Variants in SEMA6D observed in about 807,000 individuals in gnomAD.
SEMA6D encodes the protein semaphorin 6D, also known as semaphorin-6D.
Under a neutral mutation model 106.6 loss-of-function variants are expected in SEMA6D, and 35 were observed. The observed-to-expected ratio is 0.33, with a 90% CI of 0.25 to 0.44. The LOEUF (loss-of-function observed/expected upper bound fraction) is 0.44. SEMA6D is among the 20% of genes least tolerant of loss of function. The pLI, the probability that SEMA6D is intolerant of heterozygous loss-of-function variation, is 1.00. For synonymous variants in SEMA6D, 499 were observed against 487.7 expected, an observed-to-expected ratio of 1.02 and a Z score of -0.31; for missense variants, 1,185 against 1,345.9, an observed-to-expected ratio of 0.88 and a Z score of 1.87.
At chr15:47,243,263 A>T (rs1359466876) in intron 1 of SEMA6D, among the ~76,000 whole-genome samples, 1 of 152,058 alleles carries the variant, frequency 6.6e-6, no homozygotes, top group Non-Finnish European at 1.5e-5. Context: ...CCCAGACTTC[A>T]CTCTCAAAAT....
chr15:47,697,256 C>T (rs1048323835), intron 4 of SEMA6D, among the ~76,000 whole-genome samples: 1 of 152,098 alleles, frequency 6.6e-6, no homozygotes, highest in African/African-American at 2.4e-5. Flanking sequence ...TCTTCACTGC[C>T]AGAACAGAGA....
intron 3 of SEMA6D, among the ~76,000 whole-genome samples, chr15:47,532,627 T>A (rs1596257804): frequency 6.6e-6 from 1 of 152,300 alleles, no homozygotes; most frequent in East Asian, 1.9e-4. Context: ...GAGTATTCAG[T>A]TGGTTGCTGG....
chr15:47,761,882 T>A, intron 7 of SEMA6D, 131 bp downstream of exon 7: 1 of 794,722 alleles, frequency 1.3e-6, no homozygotes, highest in South Asian at 1.9e-5. Context: ...CTAGAATCTA[T>A]GCACAAATTT....
chr15:47,681,126 T>C (rs2078344534), intron 4 of SEMA6D, among the ~76,000 whole-genome samples: 1 of 152,170 alleles, frequency 6.6e-6, no homozygotes, highest in Non-Finnish European at 1.5e-5. Flanking sequence ...AAAGAGATAT[T>C]TGCACTCCAA....
At chr15:47,578,528 A>G (rs1418099804) in intron 3 of SEMA6D, among the ~76,000 whole-genome samples, 1 of 152,246 alleles carries the variant, frequency 6.6e-6, no homozygotes, top group Admixed American at 6.5e-5. Context: ...TGATCTATGT[A>G]TAATAGAAAA....
At chr15:47,294,448 T>C (rs1178521252) in intron 1 of SEMA6D, among the ~76,000 whole-genome samples, 1 of 152,160 alleles carries the variant, frequency 6.6e-6, no homozygotes, top group Non-Finnish European at 1.5e-5. Flanking sequence ...GATCTCAAAT[T>C]CCTGACCTTG....
At chr15:47,697,646 A>C (rs1698127285) in intron 4 of SEMA6D, among the ~76,000 whole-genome samples, 1 of 152,178 alleles carries the variant, frequency 6.6e-6, no homozygotes, top group Non-Finnish European at 1.5e-5. Flanking sequence ...TGATATTTTT[A>C]ATTGTCCTTT....
rs139534176 is a variant in SEMA6D at position 47,534,206 on chromosome 15, A to T, written c.-87+63661A>T. 2.8e-3 allele frequency among the ~76,000 whole-genome samples: 420 copies of T among 152,028 alleles called. 8 individuals are homozygous for T. Among genetic ancestry groups the T allele is most frequent in the Admixed American group, 0.025 (376 of 15,274 alleles). On this transcript the variant is annotated intron_variant, in intron 3 of 19. Coordinates refer to the SEMA6D transcript ENST00000558014. ...CAAAAATGCCTTCTTTTTTTTTTAA[A>T]TGGAGACAAATTATCACCTTGTCAC... is the stretch of plus-strand genomic sequence containing the variant.
chr15:47,499,150 A>G (rs2043764009), intron 3 of SEMA6D, among the ~76,000 whole-genome samples: 1 of 152,140 alleles, frequency 6.6e-6, no homozygotes, highest in Admixed American at 6.6e-5. Context: ...GAGGAGACTG[A>G]AGGTCATGAA....
intron 4 of SEMA6D, among the ~76,000 whole-genome samples, chr15:47,668,931 T>G (rs1299432735): frequency 2.0e-5 from 3 of 152,226 alleles, no homozygotes; most frequent in Non-Finnish European, 4.4e-5. Context: ...AGGTACATCT[T>G]TTTGTTGCCT....
intron 1 of SEMA6D, among the ~76,000 whole-genome samples, chr15:47,211,859 A>G (rs1336723425): frequency 6.6e-6 from 1 of 152,088 alleles, no homozygotes. Flanking sequence ...AAGGAGTATC[A>G]TTATTGATTA....
intron 1 of SEMA6D, among the ~76,000 whole-genome samples, chr15:47,372,147 A>G (rs912033099): frequency 1.3e-5 from 2 of 152,182 alleles, no homozygotes; most frequent in Non-Finnish European, 2.9e-5. Flanking sequence ...TTTGGCTGCA[A>G]TGGTTTTGAC....
intron 4 of SEMA6D, among the ~76,000 whole-genome samples, chr15:47,639,879 G>A (rs748307877): frequency 6.6e-6 from 1 of 152,184 alleles, no homozygotes; most frequent in Non-Finnish European, 1.5e-5. Flanking sequence ...ACAGCCAACA[G>A]GAGCCAAAAG....
chr15:47,752,419 G>C (rs907364158), intron 1 of SEMA6D, among the ~76,000 whole-genome samples: 19 of 152,194 alleles, frequency 1.2e-4, no homozygotes, highest in African/African-American at 4.3e-4. Flanking sequence ...AGAGGAACTA[G>C]AACACAGAAA....
At chr15:47,563,612 C>G (rs972133796) in intron 3 of SEMA6D, among the ~76,000 whole-genome samples, 2 of 152,130 alleles carry the variant, frequency 1.3e-5, no homozygotes, top group African/African-American at 2.4e-5. Flanking sequence ...TCTTACATTA[C>G]TCATTCTCTT....
At chr15:47,566,072 G>A (rs573093875) in intron 3 of SEMA6D, among the ~76,000 whole-genome samples, 1 of 152,220 alleles carries the variant, frequency 6.6e-6, no homozygotes, top group Admixed American at 6.5e-5. Flanking sequence ...CCTTGAGTTG[G>A]TCACATAATC....
At chr15:47,283,150 C>A (rs2035206817) in intron 1 of SEMA6D, among the ~76,000 whole-genome samples, 1 of 152,090 alleles carries the variant, frequency 6.6e-6, no homozygotes, top group Admixed American at 6.6e-5. Context: ...TCCCATATTC[C>A]ACCCCACCCT....
chr15:47,651,142 G>A (rs1323232360), intron 4 of SEMA6D, among the ~76,000 whole-genome samples: 1 of 152,126 alleles, frequency 6.6e-6, no homozygotes, highest in African/African-American at 2.4e-5. Flanking sequence ...GGGCATGATG[G>A]CTCATACCTG....
chr15:47,343,248 T>TTATTATTATTA (rs1555425175), intron 1 of SEMA6D, among the ~76,000 whole-genome samples: 4,710 of 146,110 alleles, frequency 0.032, 122 homozygotes, highest in Non-Finnish European at 0.037. Context: ...TAGTTGGATT[T>TTATTATTATTA]TTATTATTAT....
Sources: gnomAD v4.1 joint callset for allele counts (sites outside exome capture counted in the v4.1 genomes callset) on GRCh38, gnomAD v4.1.1 for gene constraint, MANE v1.5 for transcripts, NCBI Gene and HGNC (gene_info 2026-07-23, HGNC 2026-07-21) for gene names.